Variants in A2ML1 observed in about 807,000 individuals in gnomAD.
The protein encoded by A2ML1 is alpha-2-macroglobulin-like protein 1.
A2ML1 carries 161 observed loss-of-function variants against 181.9 expected under a neutral mutation model. That is an observed-to-expected ratio of 0.89 (90% confidence interval 0.78 to 1.01). The LOEUF is 1.01. A2ML1 is among the 50% of genes least tolerant of loss of function. A2ML1 has a pLI of 0.00. For synonymous variants in A2ML1, 663 were observed against 666.8 expected (o/e 0.99, Z 0.09); for missense variants, 1,670 against 1,768.1 (o/e 0.94, Z 1.00).
intron 15 of A2ML1, among the ~76,000 whole-genome samples, chr12:8,848,034 C>G (rs1188918021): frequency 6.7e-6 from 1 of 148,514 alleles, no homozygotes; most frequent in Non-Finnish European, 1.5e-5. Context: ...GCCTGTAATC[C>G]TGGGGAGGCT....
Position 8,823,803 on chromosome 12 carries a change from G to A in A2ML1, c.330G>A (p.Lys110=). Residue 110 remains lysine, a synonymous_variant, in exon 3 of 36, where the codon AAG becomes AAA. Coordinates refer to ENST00000299698, the MANE Select transcript of A2ML1 (RefSeq NM_144670.6). The stretch of plus-strand genomic sequence containing the variant: ...GAAATAACATCAGCTTTGAGGAGAA[G>A]AAAAAGGTTCTAATTCAGAGGCAGG... ...GVGNNISFEE[K]KKVLIQRQGN... The A allele has an allele frequency of 6.2e-7, 1 of 1,614,106 alleles. No homozygotes were observed. The highest frequency in any genetic ancestry group is 8.5e-7 in the Non-Finnish European group (1 of 1,180,008).
rs375904505 is a variant in A2ML1, at chr12:8,845,428, C to A, written c.1477-14C>A. On this transcript the variant is annotated splice_polypyrimidine_tract_variant and intron_variant, in intron 12 of 35. Coordinates refer to ENST00000299698, the MANE Select transcript of A2ML1 (RefSeq NM_144670.6). ...TAACTTCTGTGCAGTTGATTCTTTT[C>A]TTTTCTTCTTTAGTTAATAGGGAAA... The A allele has an allele frequency of 2.5e-6, 4 of 1,613,754 alleles. No individual in the cohort carries two copies. Among genetic ancestry groups the A allele is most frequent in the Non-Finnish European group, 3.4e-6 (4 of 1,179,822 alleles).
chr12:8,877,659 T>A (rs1387567969), downstream of A2ML1, among the ~76,000 whole-genome samples: 1 of 152,108 alleles, frequency 6.6e-6, no homozygotes, highest in East Asian at 1.9e-4. Context: ...CTAGTTAGAA[T>A]GGCTATTATT....
At position 8,837,554 on chromosome 12, in the gene A2ML1, C is replaced by A; in HGVS notation, c.843C>A (p.Asn281Lys). ...EREQLPDKCRNLSGQTDKTGC... is the reference protein window; with the variant it reads ...EREQLPDKCRKLSGQTDKTGC... ...AACAGCTTCCTGACAAATGCAGGAA[C>A]CTCTCTGGACAGGTGAGTAAATGAC... Residue 281 changes from asparagine (N) to lysine (K), a missense_variant, in exon 8 of 36, where the codon AAC becomes AAA. Coordinates refer to ENST00000299698, the MANE Select transcript of A2ML1 (RefSeq NM_144670.6). The A allele has an allele frequency of 1.2e-6, 2 of 1,613,542 alleles. No homozygotes were observed. The highest frequency in any genetic ancestry group is 1.7e-6 in the Non-Finnish European group (2 of 1,179,650).
intron 28 of A2ML1, among the ~76,000 whole-genome samples, chr12:8,863,515 C>G (rs898595607): frequency 1.3e-5 from 2 of 152,194 alleles, no homozygotes; most frequent in Non-Finnish European, 2.9e-5. Context: ...TTACCTATTT[C>G]CATTAGCATC....
At chr12:8,842,984 C>A in intron 11 of A2ML1, 150 bp from the exon 12 acceptor site, 1 of 703,142 alleles carries the variant, frequency 1.4e-6, no homozygotes, top group Non-Finnish European at 2.4e-6. Flanking sequence ...TTTATCCATC[C>A]TTGGCTGGAC....
chr12:8,854,457 A>G (rs1943993405), intron 21 of A2ML1, among the ~76,000 whole-genome samples: 1 of 152,134 alleles, frequency 6.6e-6, no homozygotes, highest in African/African-American at 2.4e-5. Flanking sequence ...GGCACTCAAC[A>G]AATGTTAGTT....
chr12:8,864,032 C>T, intron 29 of A2ML1, 24 bp downstream of exon 29: 1 of 1,593,768 alleles, frequency 6.3e-7, no homozygotes, highest in Non-Finnish European at 8.6e-7. Flanking sequence ...TCTCCCACTG[C>T]CACTTATCAG....
In A2ML1 at chr12:8,857,224, G is replaced by A. The variant is rs1558526; in HGVS notation, c.2909G>A (p.Cys970Tyr). The change falls in exon 24 of 36, where the codon TGT becomes TAT. Residue 970 changes from cysteine (C) to tyrosine (Y), a missense_variant. By Grantham distance (194) the Cys-to-Tyr change is radical. Transcript: ENST00000299698. ...GGTCTGGTGCAGATGCCCAGTGGCT[G>A]TGGCGAGCAGAACATGGTCTTGTTT... ...LDGLVQMPSGCGEQNMVLFAP... is the reference protein window; with the variant it reads ...LDGLVQMPSGYGEQNMVLFAP... 0.23 allele frequency: 366,375 copies of A among 1,612,900 alleles called. 46,327 individuals carry two copies. The highest frequency in any genetic ancestry group is 0.27 in the Middle Eastern group (1,426 of 5,228).
chr12:8,859,579 C>CT (rs2136924074), intron 26 of A2ML1, among the ~76,000 whole-genome samples: 1 of 151,510 alleles, frequency 6.6e-6, no homozygotes, highest in South Asian at 2.1e-4. Context: ...TTTTTCTTTT[C>CT]TTTTTTTCTT....
intron 33 of A2ML1, among the ~76,000 whole-genome samples, chr12:8,872,332 T>C (rs2136984624): frequency 6.6e-6 from 1 of 152,272 alleles, no homozygotes; most frequent in Non-Finnish European, 1.5e-5. Flanking sequence ...CTTAATTTAC[T>C]GAGGACCTCA....
intron 29 of A2ML1, 48 bp downstream of exon 29, chr12:8,864,056 T>A: frequency 6.4e-7 from 1 of 1,557,216 alleles, no homozygotes; most frequent in African/African-American, 1.4e-5. Flanking sequence ...GAATTAGATC[T>A]TGTGTGGAGA....
At chr12:8,829,047 T>C (rs978230171) in intron 3 of A2ML1, among the ~76,000 whole-genome samples, 5 of 152,190 alleles carry the variant, frequency 3.3e-5, no homozygotes, top group Admixed American at 2.0e-4. Context: ...GAATCAGCAA[T>C]TCAAGTGTGT....
At chr12:8,880,569 A>G (rs1381216409), downstream of A2ML1, 1 of 152,172 alleles carries the variant, frequency 6.6e-6, no homozygotes, top group Non-Finnish European at 1.5e-5. Context: ...GGAGAAGAAG[A>G]AAGCCGAAGT....
At chr12:8,862,536 A>G (rs1304166696) in intron 28 of A2ML1, among the ~76,000 whole-genome samples, 2 of 152,246 alleles carry the variant, frequency 1.3e-5, no homozygotes, top group Non-Finnish European at 2.9e-5. Flanking sequence ...TACTATTTGA[A>G]GTATGACAGA....
rs56766736 is a variant in A2ML1 at position 8,838,902 on chromosome 12, G to A, written c.971-211G>A. ...TGCACTCCAGCCTGGGCAACAGAGCGAGACTCCATCTTAAAAAAAAAAAAA... is the reference window on the plus strand; with the variant it reads ...TGCACTCCAGCCTGGGCAACAGAGCAAGACTCCATCTTAAAAAAAAAAAAA... On this transcript the variant is annotated intron_variant, in intron 9 of 35. Transcript: ENST00000299698. Among the ~76,000 whole-genome samples, 467 of 141,770 alleles carry A rather than the reference G, an allele frequency of 3.3e-3. 2 individuals carry two copies. Among genetic ancestry groups the A allele is most frequent in the African/African-American group, 0.012 (439 of 37,582 alleles). 93.0% of individuals were successfully genotyped at this position (141,770 alleles called of 152,430 possible).
chr12:8,831,141 TG>T (rs1943099526), intron 4 of A2ML1, among the ~76,000 whole-genome samples: 1 of 151,906 alleles, frequency 6.6e-6, no homozygotes, highest in Non-Finnish European at 1.5e-5. Flanking sequence ...TGTAGAGTTG[TG>T]GGGGGCGGGG....
intron 4 of A2ML1, among the ~76,000 whole-genome samples, chr12:8,834,314 AC>A (rs1220559260): frequency 6.6e-6 from 1 of 151,742 alleles, no homozygotes; most frequent in Non-Finnish European, 1.5e-5. Context: ...ACATTGAGGA[AC>A]CCCCTGGTGC....
intron 4 of A2ML1, among the ~76,000 whole-genome samples, chr12:8,833,087 C>T (rs1322227030): frequency 6.6e-6 from 1 of 151,514 alleles, no homozygotes; most frequent in Non-Finnish European, 1.5e-5. Context: ...GATTCTCCCG[C>T]CTCAGCCTCC....
Sources: gnomAD v4.1 joint callset for allele counts (sites outside exome capture counted in the v4.1 genomes callset) on GRCh38, gnomAD v4.1.1 for gene constraint, MANE v1.5 for transcripts, NCBI Gene and HGNC (gene_info 2026-07-23, HGNC 2026-07-21) for gene names.